CHRNB4: variants seen among roughly 807,000 people sequenced by gnomAD.
CHRNB4 encodes the protein cholinergic receptor nicotinic beta 4 subunit.
A neutral mutation model predicts 40.4 loss-of-function variants in CHRNB4; 23 were observed. That is an observed-to-expected ratio of 0.57 (90% confidence interval 0.41 to 0.81). The LOEUF is 0.81. Among genes scored for constraint, CHRNB4 ranks in the 30% least tolerant of loss-of-function variants. The pLI is 0.00. For missense variants in CHRNB4, 568 were observed against 670.6 expected, an observed-to-expected ratio of 0.85 and a Z score of 1.69; for synonymous variants, 285 against 274.4, an observed-to-expected ratio of 1.04 and a Z score of -0.38.
At chr15:78,631,052 GCCT>G in intron 4 of CHRNB4, 21 bp downstream of exon 4, 5 of 1,593,974 alleles carry the variant, frequency 3.1e-6, no homozygotes, top group Non-Finnish European at 4.3e-6. Context: ...CTGTCACCAG[GCCT>G]CCACCAACCC....
In CHRNB4 at chr15:78,635,309, C is replaced by T. The variant is rs1019140261; in HGVS notation, c.204+130G>A. Reference sequence around the variant, plus strand: ...TGAACTTCATGGACCCTTCTGCAGCCTCCCTGACACGTACTGGTAAGTCTA... The same window carrying T: ...TGAACTTCATGGACCCTTCTGCAGCTTCCCTGACACGTACTGGTAAGTCTA... On this transcript the variant is annotated intron_variant, in intron 2 of 5. Coordinates refer to ENST00000261751, the MANE Select transcript of CHRNB4 (RefSeq NM_000750.5). 6.2e-6 allele frequency: 7 copies of T among 1,131,076 alleles called. No homozygotes were observed. The African/African-American group carries it at 9.3e-5, about 15-fold the overall frequency. 70.1% of individuals were successfully genotyped at this position (1,131,076 alleles called of 1,614,324 possible).
intron 5 of CHRNB4, chr15:78,627,683 A>G (rs902986153): frequency 6.6e-6 from 1 of 152,154 alleles, no homozygotes; most frequent in Non-Finnish European, 1.5e-5. Flanking sequence ...AACATTCACA[A>G]GAGCATGAAA....
intron 1 of CHRNB4, 112 bp from the exon 2 acceptor site, chr15:78,635,699 A>AAGCAGC: frequency 7.0e-7 from 1 of 1,431,360 alleles, no homozygotes. Context: ...GGGCTGGCTG[A>AAGCAGC]AGCAGCGAAG....
chr15:78,649,565 C>A, intron 6 of CHRNB4: 2 of 289,856 alleles, frequency 6.9e-6, no homozygotes, highest in Admixed American at 5.1e-5. Context: ...TGCTATATGG[C>A]TTTTTACACA....
Position 78,647,808 on chromosome 15 carries a change from C to T in CHRNB4, c.46+1571G>A, listed in dbSNP as rs536698107. On this transcript the variant is annotated intron_variant and NMD_transcript_variant, in intron 7 of 11. Coordinates refer to the CHRNB4 transcript ENST00000559849. Reference sequence around the variant, plus strand: ...CCAGGAGGCGGAGCTTGCACTGAGCCGACATCACACCACTGCACTCCAGCC... The same window carrying T: ...CCAGGAGGCGGAGCTTGCACTGAGCTGACATCACACCACTGCACTCCAGCC... 5.0e-5 allele frequency among the ~76,000 whole-genome samples: 7 copies of T among 139,670 alleles called. No individual in the cohort carries two copies. The East Asian group carries it at 6.4e-4, about 13-fold the overall frequency. The allele number at this position is 139,670 out of a possible 152,430, so 91.6% of individuals were successfully genotyped here.
chr15:78,661,289 C>G, upstream of CHRNB4: 1 of 598,470 alleles, frequency 1.7e-6, no homozygotes, highest in Admixed American at 1.9e-5. Flanking sequence ...GGCGGCAGCC[C>G]GGCTGGTCAC....
At chr15:78,654,294 C>T (rs2054195157) in intron 5 of CHRNB4, among the ~76,000 whole-genome samples, 2 of 152,186 alleles carry the variant, frequency 1.3e-5, no homozygotes, top group Admixed American at 1.3e-4. Flanking sequence ...TTTAAGTCTG[C>T]CCTGATGGGG....
upstream of CHRNB4, among the ~76,000 whole-genome samples, chr15:78,642,621 G>C (rs1175474569): frequency 6.6e-6 from 1 of 152,192 alleles, no homozygotes; most frequent in Admixed American, 6.5e-5. Context: ...AATATACCCA[G>C]GACAGGAGCT....
intron 2 of CHRNB4, among the ~76,000 whole-genome samples, chr15:78,631,925 CTCTATGACCTCTTA>C (rs1438294583): frequency 6.6e-6 from 1 of 152,182 alleles, no homozygotes; most frequent in African/African-American, 2.4e-5. Context: ...ATCCCATTAG[CTCTATGACCTCTTA>C]TCTCAACACT....
chr15:78,641,243 C>G (rs1031599028), upstream of CHRNB4: 2 of 1,020,848 alleles, frequency 2.0e-6, no homozygotes, highest in East Asian at 6.5e-5. Context: ...GGTTTGCTGG[C>G]GGGGCGGCGC....
chr15:78,629,573 C>A lies in CHRNB4; in HGVS notation c.732G>T (p.Val244=). Residue 244 remains valine (V), a synonymous_variant, in exon 5 of 6, where the codon GTG becomes GTT. Coordinates refer to ENST00000261751, the MANE Select transcript of CHRNB4 (RefSeq NM_000750.5). This position sits in a 1 kb window ranked among gnomAD's most constrained non-coding sequence, Gnocchi z 6.8. ...CGAGGATGGCCAGCAAGGTGGTGAG[C>A]ACGCAGGGGATGATGAGGTTGATGG... is the stretch of plus-strand genomic sequence containing the variant. ...FYTINLIIPC[V]LTTLLAILVF... 1 of 1,614,094 alleles carries A rather than the reference C, an allele frequency of 6.2e-7. No individual in the cohort carries two copies. Among genetic ancestry groups the A allele is most frequent in the Non-Finnish European group, 8.5e-7 (1 of 1,180,008 alleles).
chr15:78,637,218 C>T (rs545838325), intron 1 of CHRNB4, among the ~76,000 whole-genome samples: 3 of 152,314 alleles, frequency 2.0e-5, no homozygotes, highest in Non-Finnish European at 2.9e-5. Flanking sequence ...TGCATACCCC[C>T]GATCCCTTGC....
intron 1 of CHRNB4, among the ~76,000 whole-genome samples, chr15:78,638,797 G>A (rs1406789060): frequency 2.0e-5 from 3 of 152,262 alleles, no homozygotes; most frequent in African/African-American, 4.8e-5. Flanking sequence ...CAAAGGACAA[G>A]GAACAGGCCT....
Position 78,629,189 on chromosome 15 carries a change from G to C in CHRNB4, c.1116C>G (p.Ala372=). The C allele has an allele frequency of 1.2e-6, 2 of 1,614,002 alleles. No homozygotes were observed. The highest frequency in any genetic ancestry group is 1.7e-6 in the Non-Finnish European group (2 of 1,179,912). Residue 372 remains alanine (A), a synonymous_variant, in exon 5 of 6, where the codon GCC becomes GCG. Transcript: ENST00000261751. The surrounding 1 kb of genome is among the most constrained non-coding windows in gnomAD (Gnocchi z 6.8). The stretch of plus-strand genomic sequence containing the variant: ...TGGAGGGGCTGGTGGAGGTGGCGGT[G>C]GCCTCGGGCTTGGTCACGCATGACT... ...PSKSCVTKPE[A]TATSTSPSNF...
chr15:78,661,214 T>A (rs1211958681), upstream of CHRNB4: 11 of 610,348 alleles, frequency 1.8e-5, no homozygotes, highest in Non-Finnish European at 3.5e-5. Context: ...CTGCTGCCCT[T>A]GGGGGAGTCC....
In CHRNB4 at chr15:78,629,760, T is replaced by C; in HGVS notation, c.545A>G (p.Asp182Gly). The C allele has an allele frequency of 6.2e-7, 1 of 1,614,074 alleles. No individual in the cohort carries two copies. ...GGCTGTGGGCGTCATGAGGACCATG[T>C]CTATCTCCGTGTGGTCATAGGTCCA... ...RSWTYDHTEI[D>G]MVLMTPTASM... The change falls in exon 5 of 6, where the codon GAC (aspartate) becomes GGC (glycine). Residue 182 changes from aspartate to glycine, a missense_variant. Asp to Gly is a moderately conservative substitution (Grantham distance 94, BLOSUM62 -1). Coordinates refer to ENST00000261751, the MANE Select transcript of CHRNB4 (RefSeq NM_000750.5). The surrounding 1 kb of genome is among the most constrained non-coding windows in gnomAD (Gnocchi z 6.8).
chr15:78,660,947 G>A, upstream of CHRNB4: 1 of 406,124 alleles, frequency 2.5e-6, no homozygotes. Flanking sequence ...CGCAGTTTCT[G>A]ACTCAGCAGG....
chr15:78,646,549 C>G (rs975347494), intron 7 of CHRNB4, among the ~76,000 whole-genome samples: 2 of 152,170 alleles, frequency 1.3e-5, no homozygotes, highest in South Asian at 4.1e-4. Context: ...GCTAGATGTC[C>G]AAGATCAGGG....
chr15:78,656,771 C>T (rs2054217537), intron 3 of CHRNB4: 1 of 152,158 alleles, frequency 6.6e-6, no homozygotes, highest in East Asian at 1.9e-4. Context: ...TTAATTATAC[C>T]TCTCACTTTC....
Sources: allele counts gnomAD v4.1 joint callset (sites outside exome capture counted in the v4.1 genomes callset), GRCh38; gene constraint gnomAD v4.1.1; non-coding constraint Gnocchi (gnomAD v3.1); transcripts MANE v1.5; gene names NCBI Gene and HGNC (gene_info 2026-07-23, HGNC 2026-07-21).